The following PGBD5 variants were observed in gnomAD, a reference collection of about 807,000 sequenced individuals.
The protein encoded by PGBD5 is piggyBac transposable element derived 5.
PGBD5 carries 14 observed loss-of-function variants against 47.9 expected under a neutral mutation model. The observed-to-expected ratio is 0.29, with a 90% CI of 0.19 to 0.46. The LOEUF (loss-of-function observed/expected upper bound fraction) is 0.46, where lower values mean the gene tolerates loss of function less well. Among genes scored for constraint, PGBD5 ranks in the 20% least tolerant of loss-of-function variants. PGBD5 has a pLI of 1.00. For missense variants in PGBD5, 635 were observed against 716.0 expected (o/e 0.89, Z 1.29); for synonymous variants, 316 against 306.3 (o/e 1.03, Z -0.33).
intron 1 of PGBD5, among the ~76,000 whole-genome samples, chr1:230,414,669 G>A (rs111658578): frequency 6.6e-6 from 1 of 152,068 alleles, no homozygotes; most frequent in East Asian, 1.9e-4. Flanking sequence ...ACCCCAGCTC[G>A]CCTAAGAAAA....
intron 2 of PGBD5, among the ~76,000 whole-genome samples, chr1:230,354,634 C>T (rs953549119): frequency 6.6e-6 from 1 of 152,170 alleles, no homozygotes; most frequent in South Asian, 2.1e-4. Flanking sequence ...CATAGATCTG[C>T]TTCTTCAAGG....
chr1:230,359,167 T>C (rs1248197680), intron 1 of PGBD5, among the ~76,000 whole-genome samples: 1 of 152,012 alleles, frequency 6.6e-6, no homozygotes, highest in Non-Finnish European at 1.5e-5. Context: ...GTTCAAGCAA[T>C]TCTCCTGCCT....
chr1:230,385,132 T>C (rs1656602685), intron 1 of PGBD5, among the ~76,000 whole-genome samples: 1 of 152,108 alleles, frequency 6.6e-6, no homozygotes, highest in South Asian at 2.1e-4. Context: ...GGGGCTGAAA[T>C]TTCAGTCTCG....
In PGBD5 at chr1:230,316,037, A is replaced by ATGT; in HGVS notation, c.*7387_*7388insACA. On this transcript the variant is annotated 3_prime_UTR_variant, in exon 7 of 7. Coordinates refer to ENST00000391860, the MANE Select transcript of PGBD5 (RefSeq NM_001258311.2). ...ATATATGTATGTGTATACATACATAAGTATATGTGTACACATATATGTATG... is the reference window on the plus strand; with the variant it reads ...ATATATGTATGTGTATACATACATAATGTGTATATGTGTACACATATATGTATG... 4.9e-5 allele frequency: 2 copies of ATGT among 41,018 alleles called. 1 individual carries two copies. Among genetic ancestry groups the ATGT allele is most frequent in the African/African-American group, 2.1e-4 (2 of 9,396 alleles). The allele number at this position is 41,018 out of a possible 1,614,324, so 2.5% of individuals were successfully genotyped here.
rs751112657 is a variant in PGBD5, at chr1:230,325,450, G to A, written c.1274-35C>T. 7 of 1,476,040 alleles carry A rather than the reference G, an allele frequency of 4.7e-6. No homozygotes were observed. The African/African-American group carries it at 9.7e-5, about 21-fold the overall frequency. The allele number at this position is 1,476,040 out of a possible 1,614,324, so 91.4% of individuals were successfully genotyped here. On this transcript the variant is annotated intron_variant, in intron 5 of 6. Transcript: ENST00000391860. ...AGAGACAAGATAAGCCCCTTCCTCA[G>A]CACCTCCTCCTAATGCCACTTTATA...
chr1:230,404,514 A>T (rs1657221144), intron 1 of PGBD5, among the ~76,000 whole-genome samples: 1 of 149,244 alleles, frequency 6.7e-6, no homozygotes, highest in Admixed American at 6.7e-5. Flanking sequence ...CTGAGGAGGG[A>T]GGGGAGGATC....
intron 1 of PGBD5, among the ~76,000 whole-genome samples, chr1:230,400,800 G>C (rs112095720): frequency 8.5e-5 from 13 of 152,324 alleles, no homozygotes; most frequent in African/African-American, 3.1e-4. Context: ...GACTGCACTT[G>C]TGAATAGCCA....
chr1:230,419,567 A>G (rs576352960), intron 1 of PGBD5, among the ~76,000 whole-genome samples: 1 of 152,186 alleles, frequency 6.6e-6, no homozygotes, highest in East Asian at 1.9e-4. Flanking sequence ...AAAAGGTGAA[A>G]AGTAAATACA....
At chr1:230,392,213 G>A (rs2102733302) in intron 1 of PGBD5, among the ~76,000 whole-genome samples, 1 of 152,298 alleles carries the variant, frequency 6.6e-6, no homozygotes, top group South Asian at 2.1e-4. Flanking sequence ...CCCCACACCG[G>A]GGCTGCCCTG....
intron 1 of PGBD5, among the ~76,000 whole-genome samples, chr1:230,367,680 A>G (rs188183639): frequency 3.0e-4 from 46 of 152,360 alleles, no homozygotes; most frequent in Non-Finnish European, 5.0e-4. Flanking sequence ...CCTGGGTGAC[A>G]GAGACCCTGT....
At chr1:230,348,800 G>T (rs1667517953) in intron 3 of PGBD5, among the ~76,000 whole-genome samples, 1 of 151,130 alleles carries the variant, frequency 6.6e-6, no homozygotes, top group Non-Finnish European at 1.5e-5. Flanking sequence ...GGACTGCGGG[G>T]GCTGAGAAAG....
chr1:230,361,703 T>C (rs775697886), intron 1 of PGBD5, among the ~76,000 whole-genome samples: 49 of 152,220 alleles, frequency 3.2e-4, no homozygotes, highest in Non-Finnish European at 4.6e-4. Context: ...ACTCATTCAA[T>C]GGACATTTGA....
chr1:230,411,246 G>A (rs1422678386), intron 1 of PGBD5, among the ~76,000 whole-genome samples: 2 of 152,190 alleles, frequency 1.3e-5, no homozygotes, highest in African/African-American at 2.4e-5. Flanking sequence ...TCGTGCCATC[G>A]CACTCCAGCC....
intron 1 of PGBD5, among the ~76,000 whole-genome samples, chr1:230,370,799 A>G (rs828441): frequency 0.72 from 109,272 of 152,108 alleles, 39,689 homozygotes; most frequent in African/African-American, 0.74. Context: ...AAGAGCTGAA[A>G]GAGAACTCTA....
intron 1 of PGBD5, among the ~76,000 whole-genome samples, chr1:230,406,509 T>C (rs1228679776): frequency 6.6e-6 from 1 of 152,092 alleles, no homozygotes; most frequent in East Asian, 1.9e-4. Flanking sequence ...TATGAGTATG[T>C]TGTCCAGATA....
intron 4 of PGBD5, among the ~76,000 whole-genome samples, chr1:230,334,792 A>C (rs896719990): frequency 6.6e-6 from 1 of 152,140 alleles, no homozygotes; most frequent in South Asian, 2.1e-4. Flanking sequence ...GATCTTTTTT[A>C]TCTCTTACCT....
At position 230,403,519 on chromosome 1, in the gene PGBD5, C is replaced by T. The variant is rs950213971; in HGVS notation, c.331+22079G>A. Among the ~76,000 whole-genome samples, 14 of 152,294 alleles carry T rather than the reference C, an allele frequency of 9.2e-5. No homozygotes were observed. The South Asian group carries it at 2.3e-3, about 25-fold the overall frequency. On this transcript the variant is annotated intron_variant, in intron 1 of 6. Coordinates refer to ENST00000391860, the MANE Select transcript of PGBD5 (RefSeq NM_001258311.2). ...GCTGGAGAGACCAGCACCAGAGCCT[C>T]AGGATGAGGATCTTAGAGCCAAAGG... is the stretch of plus-strand genomic sequence containing the variant.
At chr1:230,398,511 A>G (rs1443613203) in intron 1 of PGBD5, among the ~76,000 whole-genome samples, 1 of 152,248 alleles carries the variant, frequency 6.6e-6, no homozygotes, top group Non-Finnish European at 1.5e-5. Context: ...CACATTTTGA[A>G]GTACTAGGGG....
chr1:230,419,000 T>G (rs1316209558), intron 1 of PGBD5, among the ~76,000 whole-genome samples: 1 of 152,264 alleles, frequency 6.6e-6, no homozygotes, highest in Non-Finnish European at 1.5e-5. Context: ...CAGAGAACTT[T>G]GGAGATTTCT....
Sources: gnomAD v4.1 joint callset for allele counts (sites outside exome capture counted in the v4.1 genomes callset) on GRCh38, gnomAD v4.1.1 for gene constraint, MANE v1.5 for transcripts, NCBI Gene and HGNC (gene_info 2026-07-23, HGNC 2026-07-21) for gene names.